TTC34: variants seen among roughly 807,000 people sequenced by gnomAD.
The protein encoded by TTC34 is tetratricopeptide repeat protein 34.
A neutral mutation model predicts 40.7 loss-of-function variants in TTC34; 44 were observed. That is an observed-to-expected ratio of 1.08 (90% CI 0.85 to 1.39). The LOEUF is 1.39. TTC34 is among the 40% of genes most tolerant of loss of function. The probability of loss-of-function intolerance (pLI) is 0.00; values close to 1 mark genes in which losing one functional copy is unlikely to be tolerated. For missense variants in TTC34, 884 were observed against 838.0 expected (o/e 1.05, Z -0.68); for synonymous variants, 422 against 398.6 (o/e 1.06, Z -0.70).
chr1:2,752,918 T>C (rs1641372402), intron 6 of TTC34, among the ~76,000 whole-genome samples: 1 of 148,454 alleles, frequency 6.7e-6, no homozygotes, highest in Non-Finnish European at 1.5e-5. Flanking sequence ...TCCGACATCC[T>C]GAAACAGCTC....
chr1:2,688,862 C>T (rs376691126), intron 6 of TTC34, among the ~76,000 whole-genome samples: 4 of 28,460 alleles, frequency 1.4e-4, no homozygotes, highest in Admixed American at 4.2e-4. Context: ...CCCCCAGGTG[C>T]GCACGTGACA....
Position 2,792,006 on chromosome 1 carries a change from CTTTTTTTT to C in TTC34, c.785-1668_785-1661del, listed in dbSNP as rs376632144. Among the ~76,000 whole-genome samples, 63 of 39,560 alleles carry C rather than the reference CTTTTTTTT, an allele frequency of 1.6e-3. 1 individual carries two copies. Among genetic ancestry groups the C allele is most frequent in the Non-Finnish European group, 2.5e-3 (48 of 19,350 alleles). The allele number at this position is 39,560 out of a possible 152,430, so 26.0% of individuals were successfully genotyped here. On this transcript the variant is annotated intron_variant, in intron 2 of 8. Transcript: ENST00000401095. ...TGTTCAACTCTAGACTTGCCATATGCTTTTTTTTTTTTTTTTTTTTTTTTTTTAAAGAC... is the reference window on the plus strand; with the variant it reads ...TGTTCAACTCTAGACTTGCCATATGCTTTTTTTTTTTTTTTTTTTAAAGAC...
chr1:2,785,312 C>T (rs1464511514), intron 5 of TTC34, among the ~76,000 whole-genome samples: 1 of 152,152 alleles, frequency 6.6e-6, no homozygotes, highest in African/African-American at 2.4e-5. Context: ...CCAGGAGATC[C>T]CTGCGAGTCC....
chr1:2,753,440 G>A (rs1314433954), intron 6 of TTC34, among the ~76,000 whole-genome samples: 1 of 109,076 alleles, frequency 9.2e-6, no homozygotes, highest in African/African-American at 4.8e-5. Flanking sequence ...CTGACAGCCT[G>A]GAACAGCAGC....
At chr1:2,756,662 CACACCCCCAGG>C (rs1641516302) in intron 6 of TTC34, among the ~76,000 whole-genome samples, 26 of 116,846 alleles carry the variant, frequency 2.2e-4, no homozygotes, top group East Asian at 4.8e-4. Context: ...GAACAGCACC[CACACCCCCAGG>C]TGAGCAGCTG....
Position 2,645,620 on chromosome 1 carries a change from GAGGGTCAGAGT to G in TTC34, c.2227-68_2227-58del. 7.0e-7 allele frequency: 1 copy of G among 1,426,644 alleles called. No homozygotes were observed. The highest frequency in any genetic ancestry group is 9.2e-7 in the Non-Finnish European group (1 of 1,089,112). The allele number at this position is 1,426,644 out of a possible 1,614,324, so 88.4% of individuals were successfully genotyped here. A position where few individuals can be genotyped will look rare whatever the true frequency, so the allele number is the denominator to read the frequency against. ...TTGTCCTAAGTAGAGAAACTGGGCAGAGGGTCAGAGTAGGAGGACTGGCTCTGTCTTTCTCA... is the reference window on the plus strand; with the variant it reads ...TTGTCCTAAGTAGAGAAACTGGGCAGAGGAGGACTGGCTCTGTCTTTCTCA... On this transcript the variant is annotated intron_variant, in intron 6 of 8. Coordinates refer to ENST00000401095, the Ensembl canonical transcript of TTC34. The surrounding 1 kb of genome is among the most constrained non-coding windows in gnomAD (Gnocchi z 4.7).
chr1:2,674,191 CCGA>C (rs1206140573), intron 6 of TTC34, among the ~76,000 whole-genome samples: 3 of 87,538 alleles, frequency 3.4e-5, no homozygotes, highest in Non-Finnish European at 8.6e-5. Context: ...TGGAGCTGCA[CCGA>C]CAACACCAGG....
chr1:2,685,201 C>T (rs368885289), intron 6 of TTC34, among the ~76,000 whole-genome samples: 13 of 92,828 alleles, frequency 1.4e-4, no homozygotes, highest in East Asian at 3.1e-4. Context: ...ACCCACACCC[C>T]CAGGTGAGCA....
Position 2,749,258 on chromosome 1 carries a change from TG to T in TTC34, c.2226+34350del, listed in dbSNP as rs1314193071. Among the ~76,000 whole-genome samples the T allele has an allele frequency of 5.3e-4, 46 of 86,826 alleles. 7 individuals are homozygous for T. Among genetic ancestry groups the T allele is most frequent in the South Asian group, 5.1e-3 (10 of 1,970 alleles). The allele number at this position is 86,826 out of a possible 152,430, so 57.0% of individuals were successfully genotyped here. A position where few individuals can be genotyped will look rare whatever the true frequency, so the allele number is the denominator to read the frequency against. ...GCACCCACACCCCCATGTGAGCATC[TG>T]ATGGTCTGGAGCAGCACCCAAAACC... On this transcript the variant is annotated intron_variant, in intron 6 of 8. Coordinates refer to ENST00000401095, the Ensembl canonical transcript of TTC34.
intron 2 of TTC34, among the ~76,000 whole-genome samples, chr1:2,797,817 C>T (rs1173128954): frequency 6.6e-6 from 1 of 152,038 alleles, no homozygotes; most frequent in African/African-American, 2.4e-5. Context: ...CTTCCCTCCA[C>T]AGTTCAGTTG....
chr1:2,641,964 T>C (rs1638917362), intron 8 of TTC34, 69 bp from the exon 9 acceptor site: 2 of 1,409,048 alleles, frequency 1.4e-6, no homozygotes, highest in Non-Finnish European at 1.9e-6. Flanking sequence ...GCCCCTGCCC[T>C]GCAGAGGTCC....
chr1:2,752,092 T>C lies in TTC34; in HGVS notation c.2226+31517A>G, dbSNP rs1195312686. Reference sequence around the variant, plus strand: ...AACGCACGGAGCAGCACCCACACCTTCAGGCGAGCATCGGACAGCCTGGAG... The same window carrying C: ...AACGCACGGAGCAGCACCCACACCTCCAGGCGAGCATCGGACAGCCTGGAG... On this transcript the variant is annotated intron_variant, in intron 6 of 8. Transcript: ENST00000401095. Among the ~76,000 whole-genome samples, 149 of 34,842 alleles carry C rather than the reference T, an allele frequency of 4.3e-3. 2 individuals carry two copies. Among genetic ancestry groups the C allele is most frequent in the African/African-American group, 7.8e-3 (52 of 6,700 alleles). The allele number at this position is 34,842 out of a possible 152,430, so 22.9% of individuals were successfully genotyped here. A position where few individuals can be genotyped will look rare whatever the true frequency, so the allele number is the denominator to read the frequency against.
At chr1:2,694,831 C>A (rs199657284) in intron 6 of TTC34, among the ~76,000 whole-genome samples, 2 of 91,060 alleles carry the variant, frequency 2.2e-5, no homozygotes, top group East Asian at 5.6e-4. Flanking sequence ...GACACCCACA[C>A]CCCCAGGTGA....
At chr1:2,686,671 A>AACACCCT (rs1640365774) in intron 6 of TTC34, among the ~76,000 whole-genome samples, 1 of 140,514 alleles carries the variant, frequency 7.1e-6, no homozygotes. Context: ...AGCCTGGAAC[A>AACACCCT]GCACCCTGCA....
chr1:2,755,643 G>T lies in TTC34; in HGVS notation c.2226+27966C>A, dbSNP rs1641479071. On this transcript the variant is annotated intron_variant, in intron 6 of 8. Coordinates refer to ENST00000401095, the Ensembl canonical transcript of TTC34. Reference sequence around the variant, plus strand: ...CACACACCCAGGTGCGCATCTGATGGTCTGGAGCAGCACCCACAACCACAG... The same window carrying T: ...CACACACCCAGGTGCGCATCTGATGTTCTGGAGCAGCACCCACAACCACAG... 1.6e-5 allele frequency among the ~76,000 whole-genome samples: 2 copies of T among 121,460 alleles called. 1 individual carries two copies. The highest frequency in any genetic ancestry group is 3.3e-5 in the Non-Finnish European group (2 of 60,862). 79.7% of individuals were successfully genotyped at this position (121,460 alleles called of 152,430 possible).
intron 8 of TTC34, 147 bp downstream of exon 8, chr1:2,644,117 G>T: frequency 3.8e-6 from 3 of 787,616 alleles, no homozygotes; most frequent in Non-Finnish European, 6.0e-6. Flanking sequence ...GGCCAGAAGT[G>T]GGTGCCTCCC....
chr1:2,653,329 C>G (rs1639215559), intron 6 of TTC34, among the ~76,000 whole-genome samples: 1 of 150,038 alleles, frequency 6.7e-6, no homozygotes, highest in Non-Finnish European at 1.5e-5. Context: ...CACACACACC[C>G]CCAGGTGAGC....
chr1:2,767,887 C>T (rs1641827085), intron 6 of TTC34, among the ~76,000 whole-genome samples: 1 of 149,440 alleles, frequency 6.7e-6, no homozygotes, highest in African/African-American at 2.5e-5. Flanking sequence ...GCACCCTCCA[C>T]CACCAGATGA....
In TTC34 at chr1:2,751,443, A is replaced by G. The variant is rs1351945542; in HGVS notation, c.2226+32166T>C. 1.7e-4 allele frequency among the ~76,000 whole-genome samples: 17 copies of G among 100,168 alleles called. 2 individuals are homozygous for G. The highest frequency in any genetic ancestry group is 2.9e-4 in the Non-Finnish European group (15 of 50,902). 65.7% of individuals were successfully genotyped at this position (100,168 alleles called of 152,430 possible). On this transcript the variant is annotated intron_variant, in intron 6 of 8. Coordinates refer to ENST00000401095, the Ensembl canonical transcript of TTC34. ...CATCTGACAGCCTGGAACAGAGCCC[A>G]GACCCCCAGGTGAGCATCTGACAGA...
Sources: allele counts gnomAD v4.1 joint callset (sites outside exome capture counted in the v4.1 genomes callset), GRCh38; gene constraint gnomAD v4.1.1; non-coding constraint Gnocchi (gnomAD v3.1); transcripts MANE v1.5; gene names NCBI Gene and HGNC (gene_info 2026-07-23, HGNC 2026-07-21).